The following ZNF763 variants were observed in gnomAD, a reference collection of about 807,000 sequenced individuals.
ZNF763 encodes the protein DNA-binding protein.
A neutral mutation model predicts 38.0 loss-of-function variants in ZNF763; 33 were observed. The ratio of observed to expected loss-of-function variants is 0.87; its 90% CI spans 0.66 to 1.16. The LOEUF is 1.16. Ranked by LOEUF, ZNF763 falls within the 50% of genes most tolerant of loss-of-function variation. The pLI is 0.00. For missense variants in ZNF763, 423 were observed against 469.1 expected, an observed-to-expected ratio of 0.90 and a Z score of 0.91; for synonymous variants, 155 against 160.1, an observed-to-expected ratio of 0.97 and a Z score of 0.24.
chr19:11,978,527 ATG>A lies in ZNF763; in HGVS notation c.605_606del (p.Cys202Ter). On this transcript the variant is annotated frameshift_variant, in exon 4 of 4. Coordinates refer to ENST00000358987, the MANE Select transcript of ZNF763 (RefSeq NM_001367172.2). LOFTEE classifies it high-confidence loss of function. ...TGCACAGTGGGGATGGACCTTATAA[ATG>A]TAAGTTTTGTGGGAAAGCTGTCCAT... Reference protein sequence around the residue: ...VMHSGDGPYKCKFCGKAVHCL... With the variant: ...VMHSGDGPYKXKFCGKAVHCL... The A allele has an allele frequency of 1.2e-6, 2 of 1,614,224 alleles. No individual in the cohort carries two copies. Among genetic ancestry groups the A allele is most frequent in the Middle Eastern group, 1.6e-4 (1 of 6,062 alleles).
chr19:11,971,435 A>T (rs1213118786), intron 1 of ZNF763, among the ~76,000 whole-genome samples: 1 of 152,174 alleles, frequency 6.6e-6, no homozygotes, highest in Non-Finnish European at 1.5e-5. Flanking sequence ...TTTTAGAGTG[A>T]TGCAAATATT....
At chr19:11,965,468 C>G (rs1973207098) in intron 1 of ZNF763, among the ~76,000 whole-genome samples, 2 of 152,222 alleles carry the variant, frequency 1.3e-5, no homozygotes, top group South Asian at 2.1e-4. Flanking sequence ...AGTTCCGCGC[C>G]CGCAGCCCCG....
rs745500026 is a variant in ZNF763 at position 11,965,257 on chromosome 19, TGGAACCGGCC to T, written c.3+56_3+65del. ...GTCCCGAGACGGGGTAGAGGCTGCC[TGGAACCGGCC>T]GGAACCGGCTGCGGCGGGACCCGGG... On this transcript the variant is annotated intron_variant, in intron 1 of 3. Transcript: ENST00000358987. 51 of 1,612,916 alleles carry T rather than the reference TGGAACCGGCC, an allele frequency of 3.2e-5. No homozygotes were observed. In the South Asian group the frequency reaches 4.0e-4, roughly 13 times the overall value.
At chr19:11,974,126 TTTTCTTTCTTTCTTTC>T (rs369346711) in intron 1 of ZNF763, among the ~76,000 whole-genome samples, 1 of 55,028 alleles carries the variant, frequency 1.8e-5, no homozygotes, top group African/African-American at 5.7e-5. Context: ...TCTTTCTTTC[TTTTCTTTCTTTCTTTC>T]TTTCTTTCTT....
Position 11,978,991 on chromosome 19 carries a change from G to A in ZNF763, c.1067G>A (p.Arg356His), listed in dbSNP as rs558297977. The A allele has an allele frequency of 2.8e-5, 46 of 1,614,156 alleles. No individual in the cohort carries two copies. Among genetic ancestry groups the A allele is most frequent in the African/African-American group, 1.9e-4 (14 of 75,056 alleles). Residue 356 changes from arginine to histidine, a missense_variant, in exon 4 of 4, where the codon CGT (arginine) becomes CAT (histidine). Physicochemically the swap from Arg to His is conservative, Grantham distance 29 (BLOSUM62 0). Transcript: ENST00000358987. The stretch of plus-strand genomic sequence containing the variant: ...GCATTCACGTATCCCAGTTCCCTTC[G>A]TAGACATGAAAGGACCCACTCTGCG... ...RKAFTYPSSLRRHERTHSAKK... is the reference protein window; with the variant it reads ...RKAFTYPSSLHRHERTHSAKK...
In ZNF763 at chr19:11,978,300, A is replaced by G; in HGVS notation, c.376A>G (p.Arg126Gly). 1 of 1,614,174 alleles carries G rather than the reference A, an allele frequency of 6.2e-7. No homozygotes were observed. Among genetic ancestry groups the G allele is most frequent in the Non-Finnish European group, 8.5e-7 (1 of 1,180,030 alleles). The change falls in exon 4 of 4, where the codon AGA (arginine) becomes GGA (glycine). Residue 126 changes from arginine to glycine, a missense_variant. Arg to Gly is a moderately radical substitution (Grantham distance 125). Coordinates refer to ENST00000358987, the MANE Select transcript of ZNF763 (RefSeq NM_001367172.2). ...IGNSSFNMNI[R>G]GDIGHKAYEY... Reference sequence around the variant, plus strand: ...TAACTCATCTTTTAATATGAACATCAGAGGTGACATTGGGCACAAGGCATA... The same window carrying G: ...TAACTCATCTTTTAATATGAACATCGGAGGTGACATTGGGCACAAGGCATA...
In ZNF763 at chr19:11,978,270, A is replaced by C. The variant is rs760773850; in HGVS notation, c.346A>C (p.Ile116Leu). 6.2e-7 allele frequency: 1 copy of C among 1,614,016 alleles called. No homozygotes were observed. Among genetic ancestry groups the C allele is most frequent in the Non-Finnish European group, 8.5e-7 (1 of 1,180,008 alleles). The change falls in exon 4 of 4, where the codon ATA becomes CTA. Residue 116 changes from isoleucine (I) to leucine (L), a missense_variant. Physicochemically the swap from Ile to Leu is conservative, Grantham distance 5. Coordinates refer to ENST00000358987, the MANE Select transcript of ZNF763 (RefSeq NM_001367172.2). Reference protein sequence around the residue: ...CDNFVCGEVGIGNSSFNMNIR... With the variant: ...CDNFVCGEVGLGNSSFNMNIR... Reference sequence around the variant, plus strand: ...TAACTTTGTATGTGGAGAAGTTGGCATAGGTAACTCATCTTTTAATATGAA... The same window carrying C: ...TAACTTTGTATGTGGAGAAGTTGGCCTAGGTAACTCATCTTTTAATATGAA...
chr19:11,974,130 CTTT>C (rs1973426042), intron 1 of ZNF763, among the ~76,000 whole-genome samples: 2 of 82,206 alleles, frequency 2.4e-5, no homozygotes, highest in Admixed American at 1.3e-4. Context: ...TCTTTCTTTT[CTTT>C]CTTTCTTTCT....
rs916414288 is a variant in ZNF763 at position 11,979,712 on chromosome 19, G to T, written c.*603G>T. 5.6e-6 allele frequency: 9 copies of T among 1,599,018 alleles called. No individual in the cohort carries two copies. In the African/African-American group the frequency reaches 1.2e-4, roughly 22 times the overall value. On this transcript the variant is annotated 3_prime_UTR_variant, in exon 4 of 4. Coordinates refer to ENST00000358987, the MANE Select transcript of ZNF763 (RefSeq NM_001367172.2). ...GACTCACCCTGAAGAGAAGCCCTACGAGTGTAAGCAATGTGGGAAAGCCTT... is the reference window on the plus strand; with the variant it reads ...GACTCACCCTGAAGAGAAGCCCTACTAGTGTAAGCAATGTGGGAAAGCCTT...
chr19:11,974,135 TTTCTTTCTTTCTTTCTTTCTTTCCTTCC>T lies in ZNF763; in HGVS notation c.4-2899_4-2872del, dbSNP rs1568308552. ...TTTCTTTCTTTCTTTCTTTTCTTTC[TTTCTTTCTTTCTTTCTTTCTTTCCTTCC>T]TTCCTTCCTTCCTTCTTTCTTTCTT... On this transcript the variant is annotated intron_variant, in intron 1 of 3. Transcript: ENST00000358987. 5.9e-4 allele frequency among the ~76,000 whole-genome samples: 61 copies of T among 102,612 alleles called. 1 individual carries two copies. Among genetic ancestry groups the T allele is most frequent in the African/African-American group, 4.4e-3 (59 of 13,446 alleles). The allele number at this position is 102,612 out of a possible 152,430, so 67.3% of individuals were successfully genotyped here.
At chr19:11,965,264 G>A (rs1003512553) in intron 1 of ZNF763, 53 bp downstream of exon 1, 1 of 1,611,952 alleles carries the variant, frequency 6.2e-7, no homozygotes, top group African/African-American at 1.3e-5. Context: ...GCCTGGAACC[G>A]GCCGGAACCG....
rs931854249 is a variant in ZNF763 at position 11,979,471 on chromosome 19, A to G, written c.*362A>G. ...GAGAAAGACCTTATAAATGTAAGAC[A>G]TGTGGGAAAGGCTTTTATTCTCCCA... On this transcript the variant is annotated 3_prime_UTR_variant, in exon 4 of 4. Transcript: ENST00000358987. 55 of 1,604,582 alleles carry G rather than the reference A, an allele frequency of 3.4e-5. No individual in the cohort carries two copies. The East Asian group carries it at 1.2e-3, about 36-fold the overall frequency.
chr19:11,970,790 G>A (rs748411941), intron 1 of ZNF763, among the ~76,000 whole-genome samples: 1 of 152,116 alleles, frequency 6.6e-6, no homozygotes, highest in Non-Finnish European at 1.5e-5. Flanking sequence ...CATTAGCTGA[G>A]CATGGCAGCG....
chr19:11,965,691 T>A (rs1398744770), intron 1 of ZNF763, among the ~76,000 whole-genome samples: 1 of 152,162 alleles, frequency 6.6e-6, no homozygotes, highest in Non-Finnish European at 1.5e-5. Context: ...TGGCTTGTGG[T>A]TTGTCAACTG....
At chr19:11,976,892 A>G in intron 1 of ZNF763, 146 bp from the exon 2 acceptor site, 1 of 1,512,208 alleles carries the variant, frequency 6.6e-7, no homozygotes. Context: ...GCTTTATGGA[A>G]GAAAGTACAG....
At chr19:11,970,106 G>T (rs73923313) in intron 1 of ZNF763, among the ~76,000 whole-genome samples, 2,983 of 152,282 alleles carry the variant, frequency 0.02, 75 homozygotes, top group African/African-American at 0.059. Context: ...CAATTCTTGG[G>T]GTGCTCAGCT....
rs537783820 is a variant in ZNF763, at chr19:11,977,970, G to C, written c.192-146G>C. On this transcript the variant is annotated intron_variant, in intron 3 of 3. Coordinates refer to ENST00000358987, the MANE Select transcript of ZNF763 (RefSeq NM_001367172.2). ...ATAGGTATGACTATGTCACCTTGTA[G>C]AACATGTTGTCCATTTACCTTCAAA... is the stretch of plus-strand genomic sequence containing the variant. The C allele has an allele frequency of 3.2e-5, 31 of 966,124 alleles. No individual in the cohort carries two copies. In the African/African-American group the frequency reaches 4.1e-4, roughly 13 times the overall value. 59.8% of individuals were successfully genotyped at this position (966,124 alleles called of 1,614,324 possible).
At position 11,978,357 on chromosome 19, in the gene ZNF763, A is replaced by C; in HGVS notation, c.433A>C (p.Lys145Gln). The change falls in exon 4 of 4, where the codon AAG (lysine) becomes CAG (glutamine). Residue 145 changes from lysine (K) to glutamine (Q), a missense_variant. Transcript: ENST00000358987. ...EYQDYAPKPY[K>Q]CQQPKKAFRY... Reference sequence around the variant, plus strand: ...TCAGGACTATGCACCAAAGCCATATAAGTGTCAACAACCTAAGAAAGCCTT... The same window carrying C: ...TCAGGACTATGCACCAAAGCCATATCAGTGTCAACAACCTAAGAAAGCCTT... The C allele has an allele frequency of 6.2e-7, 1 of 1,614,230 alleles. No individual in the cohort carries two copies. The highest frequency in any genetic ancestry group is 8.5e-7 in the Non-Finnish European group (1 of 1,180,036).
At chr19:11,966,625 C>T (rs1388986647) in intron 1 of ZNF763, among the ~76,000 whole-genome samples, 2 of 152,148 alleles carry the variant, frequency 1.3e-5, no homozygotes, top group Non-Finnish European at 2.9e-5. Context: ...CCACCTGCCT[C>T]GGCCTCCCAG....
Sources: allele counts gnomAD v4.1 joint callset (sites outside exome capture counted in the v4.1 genomes callset), GRCh38; gene constraint gnomAD v4.1.1; transcripts MANE v1.5; gene names NCBI Gene and HGNC (gene_info 2026-07-23, HGNC 2026-07-21).